The following ERC2 variants were observed in gnomAD, a reference collection of about 807,000 sequenced individuals.
The protein encoded by ERC2 is ERC protein 2.
A neutral mutation model predicts 114.8 loss-of-function variants in ERC2; 42 were observed. The observed-to-expected ratio is 0.37, with a 90% confidence interval of 0.29 to 0.47. The LOEUF (loss-of-function observed/expected upper bound fraction) is 0.47. Ranked by LOEUF, ERC2 falls within the 20% of genes least tolerant of loss-of-function variation. The pLI is 0.99. For missense variants in ERC2, 939 were observed against 1,150.7 expected (o/e 0.82, Z 2.66); for synonymous variants, 454 against 425.5 (o/e 1.07, Z -0.82).
chr3:55,877,537 G>T (rs1343993347), intron 14 of ERC2, among the ~76,000 whole-genome samples: 1 of 145,920 alleles, frequency 6.9e-6, no homozygotes, highest in Non-Finnish European at 1.5e-5. Flanking sequence ...TTTGAGACAG[G>T]GTCTCACTCT....
chr3:56,205,195 T>C (rs1476332072), intron 3 of ERC2, among the ~76,000 whole-genome samples: 1 of 152,170 alleles, frequency 6.6e-6, no homozygotes, highest in Non-Finnish European at 1.5e-5. Flanking sequence ...AGGAATATGA[T>C]AACCAGGTTT....
chr3:55,747,572 G>T (rs2148956795), intron 14 of ERC2, among the ~76,000 whole-genome samples: 1 of 152,302 alleles, frequency 6.6e-6, no homozygotes, highest in Non-Finnish European at 1.5e-5. Context: ...GTTCTGTGTT[G>T]GGAAGAAATG....
chr3:56,267,656 A>G (rs931018241), intron 3 of ERC2, among the ~76,000 whole-genome samples: 4 of 151,768 alleles, frequency 2.6e-5, no homozygotes, highest in African/African-American at 9.7e-5. Context: ...GCAGGCACCT[A>G]TAATCCCAGC....
At chr3:55,581,639 G>A (rs370933281) in intron 17 of ERC2, among the ~76,000 whole-genome samples, 221 of 152,306 alleles carry the variant, frequency 1.5e-3, no homozygotes, top group African/African-American at 4.8e-3. Flanking sequence ...TCATGGACAA[G>A]CTTCAAGAGG....
intron 14 of ERC2, among the ~76,000 whole-genome samples, chr3:55,867,399 T>C (rs962351876): frequency 6.6e-6 from 1 of 152,162 alleles, no homozygotes; most frequent in African/African-American, 2.4e-5. Context: ...GCCCTTTCCA[T>C]GAGTTCTGAA....
chr3:55,847,435 C>T (rs552416232), intron 14 of ERC2, among the ~76,000 whole-genome samples: 10 of 152,242 alleles, frequency 6.6e-5, no homozygotes, highest in Middle Eastern at 3.4e-3. Context: ...TGATCTCTAA[C>T]AGCAAGACCG....
At chr3:56,311,658 G>A (rs2056588363) in intron 2 of ERC2, among the ~76,000 whole-genome samples, 1 of 152,004 alleles carries the variant, frequency 6.6e-6, no homozygotes, top group Non-Finnish European at 1.5e-5. Context: ...ATTTTGAAAT[G>A]TATAATAGAT....
intron 14 of ERC2, among the ~76,000 whole-genome samples, chr3:55,796,660 A>C (rs1322372366): frequency 6.6e-6 from 1 of 152,100 alleles, no homozygotes; most frequent in Non-Finnish European, 1.5e-5. Context: ...CCTGACCTCA[A>C]GTGATCTTCC....
At chr3:55,937,480 A>C (rs2066517843) in intron 13 of ERC2, among the ~76,000 whole-genome samples, 1 of 152,248 alleles carries the variant, frequency 6.6e-6, no homozygotes, top group Non-Finnish European at 1.5e-5. Context: ...TCAAGACTCC[A>C]GCTACTTGGT....
chr3:55,680,104 C>G (rs2061988720), intron 17 of ERC2, among the ~76,000 whole-genome samples: 1 of 152,210 alleles, frequency 6.6e-6, no homozygotes, highest in Non-Finnish European at 1.5e-5. Flanking sequence ...TGTCCATGAG[C>G]TGGTGGCAGA....
intron 15 of ERC2, among the ~76,000 whole-genome samples, chr3:55,715,909 T>C (rs140175320): frequency 6.6e-6 from 1 of 152,076 alleles, no homozygotes. Context: ...GGAGTGGTGG[T>C]TGGGGGATGC....
chr3:55,734,637 A>G (rs1260874109), intron 15 of ERC2, 134 bp downstream of exon 15: 5 of 1,035,528 alleles, frequency 4.8e-6, no homozygotes, highest in Non-Finnish European at 6.8e-6. Flanking sequence ...AACTGGGTCC[A>G]TTGCACTCCT....
At chr3:56,432,527 C>T (rs1320245041) in intron 2 of ERC2, among the ~76,000 whole-genome samples, 1 of 152,180 alleles carries the variant, frequency 6.6e-6, no homozygotes, top group East Asian at 1.9e-4. Context: ...TCGGTTCCAA[C>T]TACAAAATCA....
At chr3:56,364,863 T>G (rs1241910234) in intron 2 of ERC2, among the ~76,000 whole-genome samples, 1 of 152,182 alleles carries the variant, frequency 6.6e-6, no homozygotes, top group African/African-American at 2.4e-5. Flanking sequence ...TGGGTGAGCC[T>G]CTGGCCACAT....
At chr3:56,213,722 G>A (rs2049241656) in intron 3 of ERC2, among the ~76,000 whole-genome samples, 1 of 152,192 alleles carries the variant, frequency 6.6e-6, no homozygotes, top group Admixed American at 6.5e-5. Flanking sequence ...GCCTCCTCAA[G>A]TGGGTCCCTG....
At chr3:55,655,125 G>T (rs564143457) in intron 17 of ERC2, among the ~76,000 whole-genome samples, 1 of 152,272 alleles carries the variant, frequency 6.6e-6, no homozygotes, top group African/African-American at 2.4e-5. Context: ...CCCTAAAGTG[G>T]GATGACTCAG....
chr3:56,169,918 T>C (rs980794236), intron 4 of ERC2, among the ~76,000 whole-genome samples: 6 of 151,842 alleles, frequency 4.0e-5, no homozygotes, highest in African/African-American at 1.4e-4. Flanking sequence ...ACACATTCTT[T>C]CAAAGAAATT....
chr3:56,419,292 T>C (rs939432688), intron 2 of ERC2, among the ~76,000 whole-genome samples: 9 of 152,324 alleles, frequency 5.9e-5, no homozygotes, highest in Middle Eastern at 3.4e-3. Context: ...TGAGTTACAA[T>C]TACAAATAAG....
At chr3:56,176,274 G>T (rs2082974294) in intron 3 of ERC2, among the ~76,000 whole-genome samples, 1 of 152,168 alleles carries the variant, frequency 6.6e-6, no homozygotes, top group African/African-American at 2.4e-5. Context: ...AACTTGAGGA[G>T]AGAGGTTAAG....
Sources: gnomAD v4.1 joint callset for allele counts (sites outside exome capture counted in the v4.1 genomes callset) on GRCh38, gnomAD v4.1.1 for gene constraint, MANE v1.5 for transcripts, NCBI Gene and HGNC (gene_info 2026-07-23, HGNC 2026-07-21) for gene names.